Variants in MAD1L1 observed in about 807,000 individuals in gnomAD.
The protein encoded by MAD1L1 is mitotic spindle assembly checkpoint protein MAD1.
MAD1L1 carries 95 observed loss-of-function variants against 96.9 expected under a neutral mutation model. That is an observed-to-expected ratio of 0.98 (90% CI 0.83 to 1.16). MAD1L1 has a LOEUF of 1.16. MAD1L1 is among the 50% of genes most tolerant of loss of function. MAD1L1 has a pLI of 0.00. For synonymous variants in MAD1L1, 473 were observed against 396.6 expected, an observed-to-expected ratio of 1.19 and a Z score of -2.29; for missense variants, 1,007 against 954.4, an observed-to-expected ratio of 1.06 and a Z score of -0.73.
At chr7:2,077,061 T>C (rs1288927343) in intron 11 of MAD1L1, among the ~76,000 whole-genome samples, 2 of 136,068 alleles carry the variant, frequency 1.5e-5, no homozygotes, top group East Asian at 2.2e-4. Flanking sequence ...GCCCGCGGCA[T>C]GGTGAGCCCA....
chr7:2,189,574 T>TA (rs142313526), intron 10 of MAD1L1, among the ~76,000 whole-genome samples: 7,285 of 152,268 alleles, frequency 0.048, 623 homozygotes, highest in African/African-American at 0.17. Flanking sequence ...ATTCTCCTTC[T>TA]ATGAGGTCCC....
intron 15 of MAD1L1, among the ~76,000 whole-genome samples, chr7:1,972,837 C>A (rs1229033813): frequency 6.6e-6 from 1 of 152,148 alleles, no homozygotes; most frequent in Non-Finnish European, 1.5e-5. Context: ...TAGCTGGACC[C>A]CACTTACTTA....
intron 12 of MAD1L1, among the ~76,000 whole-genome samples, chr7:2,049,191 G>A (rs1392323597): frequency 1.3e-5 from 2 of 152,248 alleles, no homozygotes; most frequent in Non-Finnish European, 2.9e-5. Context: ...GGCAAAGAGA[G>A]GGAAAGGGAG....
chr7:1,884,703 G>T lies in MAD1L1; in HGVS notation c.1998+13497C>A, dbSNP rs1220280535. On this transcript the variant is annotated intron_variant, in intron 18 of 18. Coordinates refer to ENST00000265854, the MANE Select transcript of MAD1L1 (RefSeq NM_001013836.2). The stretch of plus-strand genomic sequence containing the variant: ...CTGAGTGGGCGGAGGAGAACCCCTG[G>T]TCCCACATGGGAAGACTGTGTGGAG... 3.3e-5 allele frequency among the ~76,000 whole-genome samples: 5 copies of T among 152,204 alleles called. No homozygotes were observed. The East Asian group carries it at 9.6e-4, about 29-fold the overall frequency.
intron 10 of MAD1L1, among the ~76,000 whole-genome samples, chr7:2,192,967 G>A (rs888304027): frequency 6.6e-6 from 1 of 152,120 alleles, no homozygotes; most frequent in Non-Finnish European, 1.5e-5. Context: ...CTTAGCCCTG[G>A]GAGATAATTA....
intron 11 of MAD1L1, chr7:2,109,609 T>C (rs1184755469): frequency 1.3e-5 from 2 of 152,218 alleles, no homozygotes; most frequent in African/African-American, 4.8e-5. Flanking sequence ...TCCAAGATTG[T>C]CAAGAGCTGG....
At chr7:1,902,150 C>T (rs1429329034) in intron 17 of MAD1L1, among the ~76,000 whole-genome samples, 1 of 152,184 alleles carries the variant, frequency 6.6e-6, no homozygotes, top group African/African-American at 2.4e-5. Context: ...ACAGCCACCC[C>T]CTCACCACCT....
At chr7:1,905,656 T>C (rs1350142126) in intron 17 of MAD1L1, among the ~76,000 whole-genome samples, 1 of 152,242 alleles carries the variant, frequency 6.6e-6, no homozygotes, top group African/African-American at 2.4e-5. Flanking sequence ...TTCCAGGTGC[T>C]TGGAATAGCT....
At chr7:2,076,970 C>T (rs1000826561) in intron 11 of MAD1L1, among the ~76,000 whole-genome samples, 3 of 144,994 alleles carry the variant, frequency 2.1e-5, no homozygotes, top group Non-Finnish European at 3.0e-5. Flanking sequence ...ACGGTGAGCC[C>T]GCAGCATGGT....
At chr7:2,044,703 G>T (rs906337453) in intron 12 of MAD1L1, among the ~76,000 whole-genome samples, 3 of 152,182 alleles carry the variant, frequency 2.0e-5, no homozygotes, top group Non-Finnish European at 2.9e-5. Flanking sequence ...ACTCAGCACA[G>T]CCCACGTGTT....
At chr7:1,953,717 C>A (rs1444153636) in intron 16 of MAD1L1, among the ~76,000 whole-genome samples, 1 of 152,216 alleles carries the variant, frequency 6.6e-6, no homozygotes, top group Non-Finnish European at 1.5e-5. Flanking sequence ...GGTGACCAGG[C>A]GCTCGCTGCA....
At chr7:2,204,934 C>G (rs1174353661) in intron 10 of MAD1L1, among the ~76,000 whole-genome samples, 1 of 152,210 alleles carries the variant, frequency 6.6e-6, no homozygotes, top group Non-Finnish European at 1.5e-5. Flanking sequence ...TGCCAGCAGT[C>G]AGGATGGTCA....
intron 11 of MAD1L1, among the ~76,000 whole-genome samples, chr7:2,108,158 G>C (rs1037936354): frequency 6.6e-6 from 1 of 152,184 alleles, no homozygotes; most frequent in African/African-American, 2.4e-5. Context: ...AACAAACTTG[G>C]GGGCTGTAGC....
rs369294936 is a variant in MAD1L1, at chr7:1,828,006, G to A, written c.1999-11778C>T. Among the ~76,000 whole-genome samples, 8 of 152,246 alleles carry A rather than the reference G, an allele frequency of 5.3e-5. No homozygotes were observed. In the South Asian group the frequency reaches 1.7e-3, roughly 32 times the overall value. Reference sequence around the variant, plus strand: ...GGGATGCGGGGTGAGGAGGGCCGGAGATGCAGGCCCGCCCTCCTGTGAGGC... The same window carrying A: ...GGGATGCGGGGTGAGGAGGGCCGGAAATGCAGGCCCGCCCTCCTGTGAGGC... On this transcript the variant is annotated intron_variant, in intron 18 of 18. Transcript: ENST00000265854.
At chr7:2,069,082 A>G in intron 12 of MAD1L1, 112 bp downstream of exon 12, 1 of 1,395,502 alleles carries the variant, frequency 7.2e-7, no homozygotes, top group Non-Finnish European at 9.4e-7. Flanking sequence ...CCAAAGTGCC[A>G]ACCCTGACCC....
chr7:1,878,890 C>T (rs1785527787), intron 18 of MAD1L1, among the ~76,000 whole-genome samples: 1 of 152,020 alleles, frequency 6.6e-6, no homozygotes, highest in East Asian at 1.9e-4. Flanking sequence ...CCTGAAGAAA[C>T]TACAAAAACT....
At chr7:2,214,072 T>A (rs915635002) in intron 9 of MAD1L1, among the ~76,000 whole-genome samples, 5 of 152,348 alleles carry the variant, frequency 3.3e-5, no homozygotes, top group East Asian at 1.9e-4. Context: ...TACAGAACAT[T>A]CGCTACGCGC....
Position 1,976,988 on chromosome 7 carries a change from T to A in MAD1L1, c.1505+3465A>T, listed in dbSNP as rs1234295646. On this transcript the variant is annotated intron_variant, in intron 15 of 18. Transcript: ENST00000265854. ...AGATTGCTGATTGGTGCATTTACAA[T>A]CCTCTATCTAGACATAAAATTTCTC... Among the ~76,000 whole-genome samples the A allele has an allele frequency of 2.6e-5, 4 of 152,204 alleles. No homozygotes were observed. In the East Asian group the frequency reaches 7.7e-4, roughly 29 times the overall value.
intron 16 of MAD1L1, among the ~76,000 whole-genome samples, chr7:1,946,226 G>A (rs1779222478): frequency 6.6e-6 from 1 of 152,252 alleles, no homozygotes; most frequent in African/African-American, 2.4e-5. Context: ...TCTAGCTGCA[G>A]GCCCAGGGGG....
Sources: gnomAD v4.1 joint callset for allele counts (sites outside exome capture counted in the v4.1 genomes callset) on GRCh38, gnomAD v4.1.1 for gene constraint, MANE v1.5 for transcripts, NCBI Gene and HGNC (gene_info 2026-07-23, HGNC 2026-07-21) for gene names.